The following DTNB variants were observed in gnomAD, a reference collection of about 807,000 sequenced individuals.
DTNB encodes the protein DTN-B.
In DTNB, 63 loss-of-function variants were observed where a neutral mutation model predicts 90.7. The observed-to-expected ratio is 0.69, with a 90% CI of 0.57 to 0.86. DTNB has a LOEUF of 0.86. Ranked by LOEUF, DTNB falls within the 40% of genes least tolerant of loss-of-function variation. The pLI is 0.00. For missense variants in DTNB, 744 were observed against 807.1 expected (o/e 0.92, Z 0.95); for synonymous variants, 277 against 286.7 (o/e 0.97, Z 0.34).
intron 3 of DTNB, among the ~76,000 whole-genome samples, chr2:25,628,925 T>C (rs1293998235): frequency 6.6e-6 from 1 of 152,220 alleles, no homozygotes; most frequent in Non-Finnish European, 1.5e-5. Context: ...CTACTGCATA[T>C]TTCCTCCATT....
chr2:25,577,157 G>A (rs1419986130), intron 7 of DTNB, among the ~76,000 whole-genome samples, 153 bp from the exon 8 acceptor site: 1 of 152,146 alleles, frequency 6.6e-6, no homozygotes, highest in African/African-American at 2.4e-5. Flanking sequence ...AAGTAGAGCC[G>A]GATGCGGTGG....
At chr2:25,633,130 A>G (rs1190842769) in intron 3 of DTNB, among the ~76,000 whole-genome samples, 1 of 152,204 alleles carries the variant, frequency 6.6e-6, no homozygotes, top group Non-Finnish European at 1.5e-5. Context: ...TCTGTACATC[A>G]GCAACATAAC....
intron 5 of DTNB, among the ~76,000 whole-genome samples, chr2:25,598,278 A>G (rs1411985427): frequency 6.6e-6 from 1 of 152,108 alleles, no homozygotes; most frequent in Non-Finnish European, 1.5e-5. Context: ...TGGTAATCTC[A>G]ATCTTGATAT....
chr2:25,398,835 TTG>T (rs1220256164), intron 16 of DTNB, among the ~76,000 whole-genome samples: 1 of 152,322 alleles, frequency 6.6e-6, no homozygotes, highest in East Asian at 1.9e-4. Flanking sequence ...CCACGGAATC[TTG>T]TGTGTCTCCA....
At chr2:25,411,079 C>G (rs2046471706) in intron 16 of DTNB, among the ~76,000 whole-genome samples, 1 of 152,062 alleles carries the variant, frequency 6.6e-6, no homozygotes, top group African/African-American at 2.4e-5. Flanking sequence ...AAAACCATAG[C>G]TGGGCGCGGT....
intron 15 of DTNB, among the ~76,000 whole-genome samples, chr2:25,423,992 GT>G (rs750673238): frequency 1.5e-4 from 23 of 152,240 alleles, no homozygotes; most frequent in Non-Finnish European, 3.1e-4. Flanking sequence ...ACTTTTATGG[GT>G]TGATGAATAT....
chr2:25,484,437 T>C (rs2065706594), intron 9 of DTNB, among the ~76,000 whole-genome samples: 1 of 152,202 alleles, frequency 6.6e-6, no homozygotes, highest in Non-Finnish European at 1.5e-5. Flanking sequence ...ACAGGCTTTA[T>C]TGTTTTGCAG....
chr2:25,502,163 C>T (rs972862114), intron 9 of DTNB, among the ~76,000 whole-genome samples: 2 of 151,732 alleles, frequency 1.3e-5, no homozygotes, highest in South Asian at 2.1e-4. Context: ...CCAACCTGAG[C>T]GACTGAGTGA....
intron 16 of DTNB, among the ~76,000 whole-genome samples, chr2:25,408,100 G>A (rs931070281): frequency 6.6e-6 from 1 of 152,058 alleles, no homozygotes; most frequent in Admixed American, 6.6e-5. Context: ...GAGGTCAGGA[G>A]TTCGAGACTA....
intron 4 of DTNB, among the ~76,000 whole-genome samples, chr2:25,612,526 G>A (rs924740557): frequency 2.0e-5 from 3 of 151,772 alleles, no homozygotes; most frequent in African/African-American, 7.3e-5. Flanking sequence ...ACTAGAAAAA[G>A]AACAGAAAAT....
rs957216839 is a variant in DTNB at position 25,387,600 on chromosome 2, C to G, written c.1736-222G>C. 1.3e-4 allele frequency among the ~76,000 whole-genome samples: 20 copies of G among 152,176 alleles called. No homozygotes were observed. Among genetic ancestry groups the G allele is most frequent in the African/African-American group, 4.8e-4 (20 of 41,446 alleles). On this transcript the variant is annotated intron_variant, in intron 17 of 20. Transcript: ENST00000406818. This position sits in a 1 kb window ranked among gnomAD's most constrained non-coding sequence, Gnocchi z 4.5. ...GCCCTCTCTACCTAGGGAGCAGCAT[C>G]CTGTCAACTCCACGCTTTGCCGCCA...
chr2:25,454,423 C>T (rs1207080118), intron 11 of DTNB, among the ~76,000 whole-genome samples: 2 of 152,164 alleles, frequency 1.3e-5, no homozygotes, highest in African/African-American at 4.8e-5. Flanking sequence ...AAGCTTCAGC[C>T]TCTGTTATGT....
intron 3 of DTNB, among the ~76,000 whole-genome samples, chr2:25,629,449 C>G (rs1392376895): frequency 6.6e-6 from 1 of 152,178 alleles, no homozygotes; most frequent in Non-Finnish European, 1.5e-5. Flanking sequence ...TGACTATAAA[C>G]ACACTAACGT....
intron 1 of DTNB, among the ~76,000 whole-genome samples, chr2:25,656,223 T>C (rs1451413759): frequency 6.6e-6 from 1 of 152,204 alleles, no homozygotes; most frequent in Non-Finnish European, 1.5e-5. Flanking sequence ...AAAATCCAAA[T>C]TAATGGGATA....
At chr2:25,392,332 C>T (rs908025019) in intron 16 of DTNB, among the ~76,000 whole-genome samples, 2 of 152,016 alleles carry the variant, frequency 1.3e-5, no homozygotes, top group Non-Finnish European at 2.9e-5. Context: ...ATCTCTTGAA[C>T]CCGGGAGGTG....
At chr2:25,633,057 GATAA>G (rs1354457857) in intron 3 of DTNB, among the ~76,000 whole-genome samples, 1 of 152,182 alleles carries the variant, frequency 6.6e-6, no homozygotes, top group Non-Finnish European at 1.5e-5. Context: ...AGATTCTACA[GATAA>G]ATTAATATGA....
chr2:25,383,030 T>C, intron 19 of DTNB, among the ~76,000 whole-genome samples: 1 of 152,226 alleles, frequency 6.6e-6, no homozygotes, highest in Non-Finnish European at 1.5e-5. Flanking sequence ...AAGGCACTAC[T>C]GTCCTTTGCT....
intron 16 of DTNB, among the ~76,000 whole-genome samples, chr2:25,418,361 T>C (rs958794416): frequency 1.3e-5 from 2 of 152,230 alleles, no homozygotes; most frequent in Non-Finnish European, 2.9e-5. Context: ...ATAAGTATAA[T>C]GTTTTATATT....
At chr2:25,407,323 G>T (rs577873973) in intron 16 of DTNB, among the ~76,000 whole-genome samples, 22 of 152,280 alleles carry the variant, frequency 1.4e-4, no homozygotes, top group African/African-American at 5.3e-4. Flanking sequence ...ACTGCTGGTG[G>T]GAAAGTAAAT....
Sources: allele counts gnomAD v4.1 joint callset (sites outside exome capture counted in the v4.1 genomes callset), GRCh38; gene constraint gnomAD v4.1.1; non-coding constraint Gnocchi (gnomAD v3.1); transcripts MANE v1.5; gene names NCBI Gene and HGNC (gene_info 2026-07-23, HGNC 2026-07-21).